Variants in ENAH observed in about 807,000 individuals in gnomAD.
ENAH encodes the protein ENAH actin regulator.
ENAH carries 23 observed loss-of-function variants against 78.7 expected under a neutral mutation model. The observed-to-expected ratio is 0.29, with a 90% CI of 0.21 to 0.41. The LOEUF is 0.41. Ranked by LOEUF, ENAH falls within the 10% of genes least tolerant of loss-of-function variation. The pLI is 1.00. For missense variants in ENAH, 544 were observed against 691.0 expected, an observed-to-expected ratio of 0.79 and a Z score of 2.39; for synonymous variants, 226 against 241.0, an observed-to-expected ratio of 0.94 and a Z score of 0.58.
At chr1:225,645,090 C>T (rs551229816) in intron 1 of ENAH, among the ~76,000 whole-genome samples, 29 of 152,310 alleles carry the variant, frequency 1.9e-4, no homozygotes, top group African/African-American at 7.0e-4. Context: ...AGCATTCCCA[C>T]GTGCTTGTTT....
At position 225,491,185 on chromosome 1, in the gene ENAH, G is replaced by A. The variant is rs1273283071; in HGVS notation, c.*6590C>T. 6.6e-6 allele frequency: 1 copy of A among 152,224 alleles called. No homozygotes were observed. Among genetic ancestry groups the A allele is most frequent in the Non-Finnish European group, 1.5e-5 (1 of 68,046 alleles). The allele number at this position is 152,224 out of a possible 1,614,324, so 9.4% of individuals were successfully genotyped here. A position where few individuals can be genotyped will look rare whatever the true frequency, so the allele number is the denominator to read the frequency against. On this transcript the variant is annotated 3_prime_UTR_variant, in exon 14 of 14. Coordinates refer to ENST00000366843, the MANE Select transcript of ENAH (RefSeq NM_018212.6). ...AGATGGAATCTCGCTCTGTCGCCCA[G>A]GCTGGAGTACAGTGGCGCGGTCTTA...
intron 1 of ENAH, among the ~76,000 whole-genome samples, chr1:225,641,826 G>T (rs969802658): frequency 2.0e-5 from 3 of 152,076 alleles, no homozygotes; most frequent in African/African-American, 7.2e-5. Flanking sequence ...TTCAAGACCA[G>T]CCCGGCCAAC....
rs541841058 is a variant in ENAH, at chr1:225,488,249, C to T, written c.*9526G>A. 6.6e-6 allele frequency: 1 copy of T among 152,108 alleles called. No individual in the cohort carries two copies. Among genetic ancestry groups the T allele is most frequent in the African/African-American group, 2.4e-5 (1 of 41,410 alleles). 9.4% of individuals were successfully genotyped at this position (152,108 alleles called of 1,614,324 possible). A position where few individuals can be genotyped will look rare whatever the true frequency, so the allele number is the denominator to read the frequency against. ...GCCCAGGCTGGCCTCCAACTTTGGG[C>T]TCAAGTGATCCTTCTGCCTCAGCCC... On this transcript the variant is annotated 3_prime_UTR_variant, in exon 14 of 14. Transcript: ENST00000366843.
At chr1:225,582,486 G>A (rs1235294269) in intron 1 of ENAH, among the ~76,000 whole-genome samples, 7 of 152,186 alleles carry the variant, frequency 4.6e-5, no homozygotes. Context: ...GTCCTGGTCT[G>A]TGCTACATGG....
At chr1:225,579,705 A>G (rs1250349353) in intron 1 of ENAH, among the ~76,000 whole-genome samples, 1 of 152,248 alleles carries the variant, frequency 6.6e-6, no homozygotes, top group Non-Finnish European at 1.5e-5. Flanking sequence ...AGTTTAGCAC[A>G]TTACAGGACG....
chr1:225,577,455 G>A (rs1209474214), intron 1 of ENAH, among the ~76,000 whole-genome samples: 1 of 152,232 alleles, frequency 6.6e-6, no homozygotes, highest in Non-Finnish European at 1.5e-5. Flanking sequence ...GTTATTTTCT[G>A]CAAGGCAAGA....
chr1:225,591,432 C>T (rs1478215936), intron 1 of ENAH, among the ~76,000 whole-genome samples: 1 of 150,858 alleles, frequency 6.6e-6, no homozygotes, highest in African/African-American at 2.4e-5. Flanking sequence ...TGCGCCATTG[C>T]ACTCCAGCCT....
At chr1:225,530,009 C>G (rs2096530005) in intron 4 of ENAH, among the ~76,000 whole-genome samples, 1 of 152,152 alleles carries the variant, frequency 6.6e-6, no homozygotes, top group Non-Finnish European at 1.5e-5. Flanking sequence ...CTGAGGCCTG[C>G]CTGCTCACCA....
intron 1 of ENAH, among the ~76,000 whole-genome samples, chr1:225,613,112 A>G (rs569470850): frequency 6.6e-6 from 1 of 152,318 alleles, no homozygotes; most frequent in South Asian, 2.1e-4. Flanking sequence ...CCTTGAACAA[A>G]GCAAGCTCAT....
At chr1:225,621,486 GT>G (rs1394699453) in intron 1 of ENAH, among the ~76,000 whole-genome samples, 1 of 151,542 alleles carries the variant, frequency 6.6e-6, no homozygotes, top group Non-Finnish European at 1.5e-5. Context: ...TAGAGACGGG[GT>G]TTCACCGTTT....
At chr1:225,568,326 T>C (rs1337956410) in intron 1 of ENAH, among the ~76,000 whole-genome samples, 1 of 151,100 alleles carries the variant, frequency 6.6e-6, no homozygotes, top group Admixed American at 6.6e-5. Context: ...AGGCCAGGAG[T>C]TCAAGACCAG....
At chr1:225,513,808 A>G (rs538751747) in intron 7 of ENAH, among the ~76,000 whole-genome samples, 1 of 152,246 alleles carries the variant, frequency 6.6e-6, no homozygotes, top group Non-Finnish European at 1.5e-5. Flanking sequence ...TCTGGTCAAC[A>G]TCGCGAAACC....
rs942373362 is a variant in ENAH, at chr1:225,585,235, A to C, written c.6-17821T>G. Among the ~76,000 whole-genome samples, 12 of 150,126 alleles carry C rather than the reference A, an allele frequency of 8.0e-5. No homozygotes were observed. The East Asian group carries it at 1.4e-3, about 17-fold the overall frequency. ...TGTCTCAAAAAAAAAAAAAAAAAAA[A>C]AAAAAAAAAAAACAGAGAAAGAGAA... On this transcript the variant is annotated intron_variant, in intron 1 of 13. Transcript: ENST00000366843.
At chr1:225,587,132 T>C (rs751518070) in intron 1 of ENAH, among the ~76,000 whole-genome samples, 4 of 152,104 alleles carry the variant, frequency 2.6e-5, no homozygotes, top group Non-Finnish European at 4.4e-5. Flanking sequence ...TAAGGTCAGG[T>C]AGAAGGCAAG....
intron 1 of ENAH, among the ~76,000 whole-genome samples, chr1:225,650,836 C>A (rs866871110): frequency 9.9e-6 from 1 of 101,034 alleles, no homozygotes; most frequent in African/African-American, 4.1e-5. Context: ...GGCAAGAGAG[C>A]AAGACTGCAT....
intron 1 of ENAH, among the ~76,000 whole-genome samples, chr1:225,647,158 G>A (rs924509235): frequency 2.0e-5 from 3 of 151,642 alleles, no homozygotes; most frequent in East Asian, 2.0e-4. Flanking sequence ...CCCAGGAGGC[G>A]GAAGCTGCAG....
intron 5 of ENAH, 103 bp downstream of exon 5, chr1:225,519,095 A>T: frequency 6.7e-7 from 1 of 1,489,890 alleles, no homozygotes; most frequent in Admixed American, 2.2e-5. Context: ...TGTATGGCTT[A>T]ATCCCAAACA....
intron 1 of ENAH, among the ~76,000 whole-genome samples, chr1:225,637,827 G>A (rs1466651294): frequency 1.3e-5 from 2 of 152,168 alleles, no homozygotes; most frequent in Non-Finnish European, 2.9e-5. Flanking sequence ...GGAAGCCGAG[G>A]TGCAAGGATG....
At chr1:225,647,367 G>A (rs1454935563) in intron 1 of ENAH, among the ~76,000 whole-genome samples, 2 of 152,130 alleles carry the variant, frequency 1.3e-5, no homozygotes, top group African/African-American at 4.8e-5. Flanking sequence ...CAGATTGATG[G>A]CCCTTTCAGT....
Sources: gnomAD v4.1 joint callset for allele counts (sites outside exome capture counted in the v4.1 genomes callset) on GRCh38, gnomAD v4.1.1 for gene constraint, MANE v1.5 for transcripts, NCBI Gene and HGNC (gene_info 2026-07-23, HGNC 2026-07-21) for gene names.